ELL2: variants seen among roughly 807,000 people sequenced by gnomAD.
The protein encoded by ELL2 is elongation factor for RNA polymerase II 2, also known as RNA polymerase II elongation factor ELL2.
Under a neutral mutation model 72.8 loss-of-function variants are expected in ELL2, and 21 were observed. The ratio of observed to expected loss-of-function variants is 0.29; its 90% CI spans 0.20 to 0.42. The LOEUF is 0.42. Ranked by LOEUF, ELL2 falls within the 10% of genes least tolerant of loss-of-function variation. The probability of loss-of-function intolerance (pLI) is 1.00; values close to 1 mark genes in which losing one functional copy is unlikely to be tolerated. For synonymous variants in ELL2, 266 were observed against 283.2 expected, an observed-to-expected ratio of 0.94 and a Z score of 0.61; for missense variants, 568 against 772.8, an observed-to-expected ratio of 0.73 and a Z score of 3.14.
In ELL2 at chr5:95,901,035, A is replaced by C; in HGVS notation, c.787T>G (p.Tyr263Asp). The change falls in exon 6 of 12, where the codon TAT (tyrosine) becomes GAT (aspartate). Residue 263 changes from tyrosine to aspartate, a missense_variant. Transcript: ENST00000237853. The stretch of plus-strand genomic sequence containing the variant: ...TCTCTTTGAAGCTCTTTAAAAACAT[A>C]ATCCTTTAAGGTATATGAGAGGTCC... Reference protein sequence around the residue: ...SKDLSYTLKDYVFKELQRDWP... With the variant: ...SKDLSYTLKDDVFKELQRDWP... 1 of 1,613,608 alleles carries C rather than the reference A, an allele frequency of 6.2e-7. No individual in the cohort carries two copies. Among genetic ancestry groups the C allele is most frequent in the Non-Finnish European group, 8.5e-7 (1 of 1,179,862 alleles).
At chr5:95,935,816 ATCTCTTCTTCTTCT>A (rs1750753589) in intron 2 of ELL2, among the ~76,000 whole-genome samples, 1 of 152,200 alleles carries the variant, frequency 6.6e-6, no homozygotes, top group African/African-American at 2.4e-5. Context: ...AGCCATCCTT[ATCTCTTCTTCTTCT>A]TCTCCTCCCA....
intron 1 of ELL2, among the ~76,000 whole-genome samples, chr5:95,961,251 C>T (rs1257136957): frequency 1.3e-5 from 2 of 152,060 alleles, no homozygotes; most frequent in Admixed American, 1.3e-4. Flanking sequence ...TTATCGGGGC[C>T]TCTCTCCCTC....
chr5:95,940,408 A>C (rs1026909191), intron 2 of ELL2, among the ~76,000 whole-genome samples: 1 of 152,248 alleles, frequency 6.6e-6, no homozygotes, highest in African/African-American at 2.4e-5. Context: ...TAACCAGCCA[A>C]GACCCAAATT....
chr5:95,914,323 C>T (rs1032162643), intron 3 of ELL2, among the ~76,000 whole-genome samples: 1 of 152,100 alleles, frequency 6.6e-6, no homozygotes, highest in African/African-American at 2.4e-5. Context: ...CCACAATATA[C>T]ATGGTCTGGA....
intron 2 of ELL2, among the ~76,000 whole-genome samples, chr5:95,934,730 T>C (rs1309567044): frequency 6.6e-6 from 1 of 152,228 alleles, no homozygotes; most frequent in Non-Finnish European, 1.5e-5. Context: ...TCTGTTCTCC[T>C]TGTCAACTTG....
intron 10 of ELL2, among the ~76,000 whole-genome samples, chr5:95,890,613 T>C (rs749397758): frequency 2.6e-5 from 4 of 152,254 alleles, no homozygotes; most frequent in Non-Finnish European, 5.9e-5. Context: ...TCCGTCTTTG[T>C]AGCTAGAAGC....
intron 8 of ELL2, 92 bp downstream of exon 8, chr5:95,898,148 A>C: frequency 8.9e-7 from 1 of 1,121,372 alleles, no homozygotes; most frequent in Non-Finnish European, 1.3e-6. Context: ...AATTAAATGA[A>C]ACGTCATTTG....
At chr5:95,894,633 T>G (rs1358739908) in intron 9 of ELL2, among the ~76,000 whole-genome samples, 1 of 152,160 alleles carries the variant, frequency 6.6e-6, no homozygotes, top group East Asian at 1.9e-4. Context: ...GATGAGAGGG[T>G]ACTCAGCAAG....
At chr5:95,938,443 G>GC (rs1750855267) in intron 2 of ELL2, among the ~76,000 whole-genome samples, 1 of 152,122 alleles carries the variant, frequency 6.6e-6, no homozygotes, top group South Asian at 2.1e-4. Flanking sequence ...TAAAAATTAG[G>GC]CCCGGTATGG....
chr5:95,958,330 C>T (rs183617343), intron 1 of ELL2, among the ~76,000 whole-genome samples: 13 of 152,236 alleles, frequency 8.5e-5, no homozygotes, highest in African/African-American at 3.1e-4. Context: ...AATATCCTTC[C>T]ACTGGAGGAT....
Position 95,898,150 on chromosome 5 carries a change from C to T in ELL2, c.1525+90G>A, listed in dbSNP as rs184261883. Reference sequence around the variant, plus strand: ...CACTAAGATTAATAATTAAATGAAACGTCATTTGCTAAAGAAATTACTAAT... The same window carrying T: ...CACTAAGATTAATAATTAAATGAAATGTCATTTGCTAAAGAAATTACTAAT... On this transcript the variant is annotated intron_variant, in intron 8 of 11. Coordinates refer to ENST00000237853, the MANE Select transcript of ELL2 (RefSeq NM_012081.6). 769 of 1,000,374 alleles carry T rather than the reference C, an allele frequency of 7.7e-4. 2 individuals carry two copies. The East Asian group carries it at 8.6e-3, about 11-fold the overall frequency. The allele number at this position is 1,000,374 out of a possible 1,614,324, so 62.0% of individuals were successfully genotyped here. A position where few individuals can be genotyped will look rare whatever the true frequency, so the allele number is the denominator to read the frequency against.
rs747084414 is a variant in ELL2, at chr5:95,889,135, A to G, written c.1762-5T>C. 16 of 1,600,568 alleles carry G rather than the reference A, an allele frequency of 1.0e-5. No homozygotes were observed. In the East Asian group the frequency reaches 2.9e-4, roughly 29 times the overall value. On this transcript the variant is annotated splice_polypyrimidine_tract_variant and splice_region_variant and intron_variant, in intron 10 of 11. Transcript: ENST00000237853. ...TAAGACTTCTTCATGAACATTCTAC[A>G]AAATTAAATATTAGAAATCAGAAGA... is the stretch of plus-strand genomic sequence containing the variant.
Position 95,926,541 on chromosome 5 carries a change from C to T in ELL2, c.196-6996G>A, listed in dbSNP as rs145193465. 1.7e-4 allele frequency among the ~76,000 whole-genome samples: 26 copies of T among 152,142 alleles called. No homozygotes were observed. The East Asian group carries it at 5.0e-3, about 29-fold the overall frequency. On this transcript the variant is annotated intron_variant, in intron 2 of 11. Coordinates refer to ENST00000237853, the MANE Select transcript of ELL2 (RefSeq NM_012081.6). ...AAAAATAAGTCCATTTATTTCCTTC[C>T]ATTGTTCCTCTTTAGCAAGATGTAT... is the stretch of plus-strand genomic sequence containing the variant.
chr5:95,910,419 A>G (rs1561496184), intron 4 of ELL2, among the ~76,000 whole-genome samples: 1 of 152,182 alleles, frequency 6.6e-6, no homozygotes, highest in Non-Finnish European at 1.5e-5. Flanking sequence ...CAGACTTAAA[A>G]TATCGGTGAA....
chr5:95,952,260 G>A (rs556611232), intron 1 of ELL2, among the ~76,000 whole-genome samples: 5 of 152,190 alleles, frequency 3.3e-5, no homozygotes, highest in South Asian at 2.1e-4. Context: ...CATTGAGTAC[G>A]CATGGACATA....
At chr5:95,933,554 G>A (rs1750672455) in intron 2 of ELL2, among the ~76,000 whole-genome samples, 1 of 152,094 alleles carries the variant, frequency 6.6e-6, no homozygotes, top group Non-Finnish European at 1.5e-5. Context: ...AAAAATGTAA[G>A]TGTGAGCAAG....
chr5:95,951,515 T>TA (rs1306196203), intron 1 of ELL2, among the ~76,000 whole-genome samples: 1 of 152,118 alleles, frequency 6.6e-6, no homozygotes, highest in Non-Finnish European at 1.5e-5. Flanking sequence ...TAAATGCAAA[T>TA]AAAGATTTGT....
intron 5 of ELL2, among the ~76,000 whole-genome samples, chr5:95,905,201 C>T (rs918523463): frequency 7.9e-5 from 12 of 151,744 alleles, no homozygotes; most frequent in African/African-American, 2.9e-4. Context: ...TCATGCCTCG[C>T]TTGGGGGTAA....
intron 7 of ELL2, among the ~76,000 whole-genome samples, chr5:95,899,832 C>T (rs899229933): frequency 3.3e-5 from 5 of 152,154 alleles, no homozygotes; most frequent in African/African-American, 1.2e-4. Context: ...TGTATATATG[C>T]AAGGACAGAC....
Sources: gnomAD v4.1 joint callset for allele counts (sites outside exome capture counted in the v4.1 genomes callset) on GRCh38, gnomAD v4.1.1 for gene constraint, MANE v1.5 for transcripts, NCBI Gene and HGNC (gene_info 2026-07-23, HGNC 2026-07-21) for gene names.